Variants in FIGNL2 observed in about 807,000 individuals in gnomAD.
FIGNL2 encodes fidgetin like 2, also known as fidgetin-like protein 2.
For synonymous variants in FIGNL2, 565 were observed against 484.0 expected (o/e 1.17, Z -2.20); for missense variants, 1,060 against 950.2 (o/e 1.12, Z -1.52).
intron 1 of FIGNL2, among the ~76,000 whole-genome samples, chr12:51,843,931 G>T: frequency 6.6e-6 from 1 of 151,502 alleles, no homozygotes; most frequent in Non-Finnish European, 1.5e-5. Context: ...TTTTTAAGAT[G>T]ACTTGGGCAA....
chr12:51,820,851 GC>G lies in FIGNL2; in HGVS notation c.1562del (p.Gly521AlafsTer169). 6.9e-7 allele frequency: 1 copy of G among 1,452,436 alleles called. No homozygotes were observed. 90.0% of individuals were successfully genotyped at this position (1,452,436 alleles called of 1,614,324 possible). ...GCACGCCGTCAGCCCCCGCGCCGCAGCCCCCGTCCAGGCAGGCCAGGAGCGG... is the reference window on the plus strand; with the variant it reads ...GCACGCCGTCAGCCCCCGCGCCGCAGCCCCGTCCAGGCAGGCCAGGAGCGG... ...QVPLLACLDGGCGAGADGVLV... is the reference protein window; with the variant it reads ...QVPLLACLDGXCGAGADGVLV... On this transcript the variant is annotated frameshift_variant, in exon 2 of 2. Transcript: ENST00000618634. LOFTEE classifies it low-confidence loss of function (END_TRUNC).
chr12:51,825,435 C>A (rs188417732), intron 1 of FIGNL2, among the ~76,000 whole-genome samples: 1 of 152,104 alleles, frequency 6.6e-6, no homozygotes, highest in Non-Finnish European at 1.5e-5. Flanking sequence ...AACCTCCACC[C>A]GCCAACGAAG....
intron 1 of FIGNL2, among the ~76,000 whole-genome samples, chr12:51,834,868 G>A (rs946225378): frequency 2.0e-5 from 3 of 152,158 alleles, no homozygotes; most frequent in South Asian, 2.1e-4. Flanking sequence ...GTTATCCATC[G>A]TTTTCGTCCT....
Position 51,821,798 on chromosome 12 carries a change from G to A in FIGNL2, c.616C>T (p.Pro206Ser), listed in dbSNP as rs924534169. 7 of 1,276,444 alleles carry A rather than the reference G, an allele frequency of 5.5e-6. No individual in the cohort carries two copies. Among genetic ancestry groups the A allele is most frequent in the Middle Eastern group, 3.0e-4 (1 of 3,320 alleles). 79.1% of individuals were successfully genotyped at this position (1,276,444 alleles called of 1,614,324 possible). A position where few individuals can be genotyped will look rare whatever the true frequency, so the allele number is the denominator to read the frequency against. ...GGCTGCGCTGCGTAGCCCCCTGCGG[G>A]ATAGTTGTACAGCGGCGCTGAGGGC... ...YGPSAPLYNY[P>S]AGGYAAQPGY... The change falls in exon 2 of 2, where the codon CCC (proline) becomes TCC (serine). Residue 206 changes from proline to serine, a missense_variant. Coordinates refer to ENST00000618634, the MANE Select transcript of FIGNL2 (RefSeq NM_001384995.1).
At position 51,818,986 on chromosome 12, in the gene FIGNL2, G is replaced by C. The variant is rs1174344714; in HGVS notation, c.*1466C>G. ...CCAGACCTAGGACTCCGGGGGAATGGGGAAGGCACATTTCCTCACAGAGCC... is the reference window on the plus strand; with the variant it reads ...CCAGACCTAGGACTCCGGGGGAATGCGGAAGGCACATTTCCTCACAGAGCC... On this transcript the variant is annotated 3_prime_UTR_variant, in exon 2 of 2. Coordinates refer to ENST00000618634, the MANE Select transcript of FIGNL2 (RefSeq NM_001384995.1). 1 of 152,234 alleles carries C rather than the reference G, an allele frequency of 6.6e-6. No homozygotes were observed. Among genetic ancestry groups the C allele is most frequent in the African/African-American group, 2.4e-5 (1 of 41,426 alleles). 9.4% of individuals were successfully genotyped at this position (152,234 alleles called of 1,614,324 possible). A position where few individuals can be genotyped will look rare whatever the true frequency, so the allele number is the denominator to read the frequency against.
At position 51,817,910 on chromosome 12, in the gene FIGNL2, G is replaced by C. The variant is rs567012038; in HGVS notation, c.*2542C>G. On this transcript the variant is annotated 3_prime_UTR_variant, in exon 2 of 2. Coordinates refer to ENST00000618634, the MANE Select transcript of FIGNL2 (RefSeq NM_001384995.1). Reference sequence around the variant, plus strand: ...AATCTTCTGCAAACCACATGTCATCGCTTTAATACTGTGTAATACTTTCTT... The same window carrying C: ...AATCTTCTGCAAACCACATGTCATCCCTTTAATACTGTGTAATACTTTCTT... 6.6e-6 allele frequency: 1 copy of C among 152,252 alleles called. No individual in the cohort carries two copies. Among genetic ancestry groups the C allele is most frequent in the Non-Finnish European group, 1.5e-5 (1 of 67,990 alleles). 9.4% of individuals were successfully genotyped at this position (152,252 alleles called of 1,614,324 possible).
At position 51,833,548 on chromosome 12, in the gene FIGNL2, C is replaced by T. The variant is rs775638998; in HGVS notation, c.-11-11124G>A. ...CTCATGGTCGGCTTCCATTACCTCT[C>T]GGCCTCACCTGCTGCCACTGCCCCT... On this transcript the variant is annotated intron_variant, in intron 1 of 1. Coordinates refer to ENST00000618634, the MANE Select transcript of FIGNL2 (RefSeq NM_001384995.1). Among the ~76,000 whole-genome samples the T allele has an allele frequency of 5.4e-4, 82 of 152,324 alleles. 1 individual carries two copies. The highest frequency in any genetic ancestry group is 9.4e-4 in the Non-Finnish European group (64 of 68,028).
In FIGNL2 at chr12:51,823,024, T is replaced by C. The variant is rs181202184; in HGVS notation, c.-11-600A>G. 3.8e-4 allele frequency among the ~76,000 whole-genome samples: 58 copies of C among 152,362 alleles called. 5 individuals are homozygous for C. Among genetic ancestry groups the C allele is most frequent in the African/African-American group, 1.3e-3 (56 of 41,588 alleles). ...CCCCGTGTGGGCCTGAGGTCAGAGATGCTGGCGTGTATGGGACTGCCTTAT... is the reference window on the plus strand; with the variant it reads ...CCCCGTGTGGGCCTGAGGTCAGAGACGCTGGCGTGTATGGGACTGCCTTAT... On this transcript the variant is annotated intron_variant, in intron 1 of 1. Transcript: ENST00000618634.
At position 51,845,463 on chromosome 12, in the gene FIGNL2, C is replaced by G. The variant is rs979859640; in HGVS notation, c.-12+3077G>C. On this transcript the variant is annotated intron_variant, in intron 1 of 1. Coordinates refer to ENST00000618634, the MANE Select transcript of FIGNL2 (RefSeq NM_001384995.1). The stretch of plus-strand genomic sequence containing the variant: ...ACTTGACCTCTTGTGGCTCACCGCC[C>G]CCCCCCCACAGTCTCTGTCCCCTGA... The G allele has an allele frequency of 9.2e-6, 9 of 983,316 alleles. 1 individual carries two copies. In the African/African-American group the frequency reaches 1.6e-4, roughly 17 times the overall value. 60.9% of individuals were successfully genotyped at this position (983,316 alleles called of 1,614,324 possible).
rs1457664451 is a variant in FIGNL2, at chr12:51,821,520, G to A, written c.894C>T (p.Ala298=). The change falls in exon 2 of 2, where the codon GCC becomes GCT. Residue 298 remains alanine (A), a synonymous_variant. Coordinates refer to ENST00000618634, the MANE Select transcript of FIGNL2 (RefSeq NM_001384995.1). ...APVADGASYP[A]ADNGECRGNG... is the part of the protein sequence containing the mutation. Reference sequence around the variant, plus strand: ...TGCCCCGACATTCGCCGTTGTCCGCGGCGGGGTAGGAGGCTCCGTCAGCCA... The same window carrying A: ...TGCCCCGACATTCGCCGTTGTCCGCAGCGGGGTAGGAGGCTCCGTCAGCCA... 2.5e-6 allele frequency: 4 copies of A among 1,569,514 alleles called. No homozygotes were observed. In the South Asian group the frequency reaches 4.6e-5, roughly 18 times the overall value.
chr12:51,830,013 G>A (rs552589366), intron 1 of FIGNL2, among the ~76,000 whole-genome samples: 2 of 152,284 alleles, frequency 1.3e-5, no homozygotes, highest in South Asian at 2.1e-4. Context: ...AGTAGGCCTG[G>A]TGTGGTGGCT....
chr12:51,841,192 C>T (rs955616775), intron 1 of FIGNL2, among the ~76,000 whole-genome samples: 1 of 152,138 alleles, frequency 6.6e-6, no homozygotes, highest in Non-Finnish European at 1.5e-5. Context: ...AAGGGGGTGG[C>T]CCCCTACACC....
rs1161269798 is a variant in FIGNL2, at chr12:51,821,472, T to C, written c.942A>G (p.Pro314=). The C allele has an allele frequency of 3.9e-6, 6 of 1,545,316 alleles. No homozygotes were observed. The highest frequency in any genetic ancestry group is 1.9e-5 in the Admixed American group (1 of 53,870). ...CRGNGFRAKP[P]GAAEEASGKY... Reference sequence around the variant, plus strand: ...TGCCCGACGCCTCCTCCGCGGCTCCTGGCGGCTTGGCCCGGAACCCGTTGC... The same window carrying C: ...TGCCCGACGCCTCCTCCGCGGCTCCCGGCGGCTTGGCCCGGAACCCGTTGC... The change falls in exon 2 of 2, where the codon CCA becomes CCG. Residue 314 remains proline, a synonymous_variant. Transcript: ENST00000618634.
At chr12:51,831,537 C>T (rs1208964448) in intron 1 of FIGNL2, among the ~76,000 whole-genome samples, 1 of 152,220 alleles carries the variant, frequency 6.6e-6, no homozygotes, top group Non-Finnish European at 1.5e-5. Context: ...CTTCCACAGG[C>T]TGTGGAAAGG....
In FIGNL2 at chr12:51,821,295, C is replaced by A; in HGVS notation, c.1119G>T (p.Gly373=). Residue 373 remains glycine, a synonymous_variant, in exon 2 of 2, where the codon GGG becomes GGT. Transcript: ENST00000618634. The part of the protein sequence containing the change: ...SGETPKGVDP[G]ALELVTSKMV... ...TCTTGCTCGTCACCAGCTCCAGGGC[C>A]CCAGGGTCCACGCCTTTGGGAGTCT... 1 of 1,524,346 alleles carries A rather than the reference C, an allele frequency of 6.6e-7. No homozygotes were observed. The highest frequency in any genetic ancestry group is 8.8e-7 in the Non-Finnish European group (1 of 1,141,552). 94.4% of individuals were successfully genotyped at this position (1,524,346 alleles called of 1,614,324 possible).
chr12:51,824,668 C>T (rs1054075675), intron 1 of FIGNL2, among the ~76,000 whole-genome samples: 6 of 152,188 alleles, frequency 3.9e-5, no homozygotes, highest in Non-Finnish European at 8.8e-5. Context: ...AGATCAGAGG[C>T]ATTACCTGGT....
At chr12:51,829,928 AAGTT>A (rs1448531368) in intron 1 of FIGNL2, among the ~76,000 whole-genome samples, 1 of 152,160 alleles carries the variant, frequency 6.6e-6, no homozygotes, top group Non-Finnish European at 1.5e-5. Flanking sequence ...CAGGAGGAGT[AAGTT>A]CAAGAGATCT....
At position 51,821,907 on chromosome 12, in the gene FIGNL2, C is replaced by T. The variant is rs962078122; in HGVS notation, c.507G>A (p.Pro169=). 2.7e-6 allele frequency: 4 copies of T among 1,467,920 alleles called. No individual in the cohort carries two copies. The highest frequency in any genetic ancestry group is 2.7e-5 in the East Asian group (1 of 36,686). 90.9% of individuals were successfully genotyped at this position (1,467,920 alleles called of 1,614,324 possible). ...CGGCGCCCGTCTGCGCGCAGTAACC[C>T]GGCGCCAGGTACCCCCCGCCGTAGC... ...AAGYGGGYLA[P]GYCAQTGAAL... Residue 169 remains proline (P), a synonymous_variant, in exon 2 of 2, where the codon CCG becomes CCA. Coordinates refer to ENST00000618634, the MANE Select transcript of FIGNL2 (RefSeq NM_001384995.1).
chr12:51,842,603 C>T (rs1939681224), intron 1 of FIGNL2, among the ~76,000 whole-genome samples: 1 of 152,100 alleles, frequency 6.6e-6, no homozygotes, highest in African/African-American at 2.4e-5. Flanking sequence ...CAGGTGGACC[C>T]TCCCCAAGCA....
Sources: gnomAD v4.1 joint callset for allele counts (sites outside exome capture counted in the v4.1 genomes callset) on GRCh38, gnomAD v4.1.1 for gene constraint, MANE v1.5 for transcripts, NCBI Gene and HGNC (gene_info 2026-07-23, HGNC 2026-07-21) for gene names.